The following KIF16B variants were observed in gnomAD, a reference collection of about 807,000 sequenced individuals.
The protein encoded by KIF16B is kinesin-like protein KIF16B.
Under a neutral mutation model 156.3 loss-of-function variants are expected in KIF16B, and 98 were observed. The observed-to-expected ratio is 0.63, with a 90% CI of 0.53 to 0.74. The LOEUF (loss-of-function observed/expected upper bound fraction) is 0.74, where lower values mean the gene tolerates loss of function less well. KIF16B is among the 30% of genes least tolerant of loss of function. The pLI, the probability that KIF16B is intolerant of heterozygous loss-of-function variation, is 0.00. For synonymous variants in KIF16B, 564 were observed against 583.7 expected (o/e 0.97, Z 0.49); for missense variants, 1,421 against 1,606.5 (o/e 0.88, Z 1.97).
chr20:16,551,896 C>T (rs6111174), intron 1 of KIF16B, among the ~76,000 whole-genome samples: 53,352 of 151,948 alleles, frequency 0.35, 9,382 homozygotes, highest in African/African-American at 0.36. Context: ...CCTGGTGGGA[C>T]AGTTACACCT....
chr20:16,273,520 A>T (rs912251697), intron 25 of KIF16B, 109 bp from the exon 26 acceptor site: 2 of 803,006 alleles, frequency 2.5e-6, no homozygotes. Flanking sequence ...GAGAAACCTC[A>T]TCTCTACAAA....
chr20:16,310,821 A>T (rs1260511827), intron 25 of KIF16B, among the ~76,000 whole-genome samples: 1 of 152,142 alleles, frequency 6.6e-6, no homozygotes, highest in East Asian at 1.9e-4. Context: ...CAGATGTGTA[A>T]CTCTGTAGTC....
At chr20:16,365,012 T>C (rs1396903560) in intron 22 of KIF16B, among the ~76,000 whole-genome samples, 1 of 152,226 alleles carries the variant, frequency 6.6e-6, no homozygotes, top group African/African-American at 2.4e-5. Flanking sequence ...TATGTACAGT[T>C]TATTTATCAC....
At chr20:16,332,764 A>C (rs931874256) in intron 24 of KIF16B, among the ~76,000 whole-genome samples, 3 of 152,168 alleles carry the variant, frequency 2.0e-5, no homozygotes, top group Non-Finnish European at 2.9e-5. Context: ...AGAAATAAAA[A>C]AATTTTTCTT....
intron 24 of KIF16B, among the ~76,000 whole-genome samples, chr20:16,323,176 T>C (rs947083339): frequency 2.0e-5 from 3 of 152,020 alleles, no homozygotes; most frequent in Non-Finnish European, 4.4e-5. Flanking sequence ...TCATTTTCTT[T>C]ACTCCTGTGA....
At chr20:16,336,153 C>T (rs1413472893) in intron 23 of KIF16B, 138 bp from the exon 24 acceptor site, 1 of 604,650 alleles carries the variant, frequency 1.7e-6, no homozygotes, top group Non-Finnish European at 2.9e-6. Context: ...ATTAATCTAG[C>T]TGCATAAATA....
intron 25 of KIF16B, among the ~76,000 whole-genome samples, chr20:16,288,281 T>C (rs567449871): frequency 2.4e-4 from 36 of 152,346 alleles, no homozygotes; most frequent in African/African-American, 7.2e-4. Context: ...CCTCCTTGTC[T>C]GATTATAGTA....
At chr20:16,549,520 T>C (rs932336984) in intron 1 of KIF16B, among the ~76,000 whole-genome samples, 7 of 152,134 alleles carry the variant, frequency 4.6e-5, no homozygotes, top group Admixed American at 2.6e-4. Context: ...TGTGTCTTTA[T>C]AGCAGCATGA....
chr20:16,428,795 A>G (rs2066424806), intron 14 of KIF16B, among the ~76,000 whole-genome samples, 158 bp downstream of exon 14: 1 of 152,164 alleles, frequency 6.6e-6, no homozygotes, highest in African/African-American at 2.4e-5. Flanking sequence ...ACAAAAATAT[A>G]TATACACACA....
intron 12 of KIF16B, among the ~76,000 whole-genome samples, chr20:16,481,212 T>C (rs1252973040): frequency 6.6e-6 from 1 of 152,156 alleles, no homozygotes; most frequent in Non-Finnish European, 1.5e-5. Flanking sequence ...TGGAAGTGGT[T>C]TCAAGACAGG....
chr20:16,441,856 A>G (rs1303075759), intron 12 of KIF16B, among the ~76,000 whole-genome samples: 1 of 152,306 alleles, frequency 6.6e-6, no homozygotes, highest in East Asian at 1.9e-4. Flanking sequence ...CATTAGGGAT[A>G]TATCAGTGAG....
intron 25 of KIF16B, among the ~76,000 whole-genome samples, chr20:16,294,257 G>A (rs1193055382): frequency 6.6e-6 from 1 of 152,166 alleles, no homozygotes; most frequent in Admixed American, 6.5e-5. Flanking sequence ...AGTCAGAGAA[G>A]ATACATGCCC....
chr20:16,321,698 A>G (rs2063775336), intron 24 of KIF16B, among the ~76,000 whole-genome samples: 1 of 152,050 alleles, frequency 6.6e-6, no homozygotes, highest in Non-Finnish European at 1.5e-5. Flanking sequence ...TAAGGCTCAG[A>G]TGTGCAGAAG....
chr20:16,316,792 C>T (rs1026741803), intron 24 of KIF16B, among the ~76,000 whole-genome samples: 2 of 152,124 alleles, frequency 1.3e-5, no homozygotes, highest in African/African-American at 4.8e-5. Flanking sequence ...GGTTTCATTT[C>T]TGAAGTGTAA....
intron 25 of KIF16B, among the ~76,000 whole-genome samples, chr20:16,289,596 G>A (rs1387395617): frequency 6.6e-6 from 1 of 152,202 alleles, no homozygotes; most frequent in Non-Finnish European, 1.5e-5. Context: ...GCTCACGCCT[G>A]TAATCCCAGC....
At chr20:16,293,921 T>TGG (rs1458386928) in intron 25 of KIF16B, among the ~76,000 whole-genome samples, 3 of 150,492 alleles carry the variant, frequency 2.0e-5, no homozygotes, top group Non-Finnish European at 4.4e-5. Context: ...GGAGAGGGGC[T>TGG]GCGGGGGGTG....
At chr20:16,478,664 G>T (rs6044001) in intron 12 of KIF16B, among the ~76,000 whole-genome samples, 2 of 151,896 alleles carry the variant, frequency 1.3e-5, no homozygotes, top group Admixed American at 1.3e-4. Flanking sequence ...ATCAACAGGT[G>T]TACCATTTGT....
chr20:16,370,682 C>T lies in KIF16B; in HGVS notation c.3448-46G>A, dbSNP rs537219838. On this transcript the variant is annotated intron_variant, in intron 21 of 25. Coordinates refer to ENST00000354981, the MANE Select transcript of KIF16B (RefSeq NM_024704.5). ...CCTCTATATTAAATTATAGCAAGTT[C>T]ACGGGGCGGGGGACTGATTCGATTA... 2.6e-5 allele frequency: 38 copies of T among 1,451,186 alleles called. No individual in the cohort carries two copies. In the South Asian group the frequency reaches 4.0e-4, roughly 15 times the overall value. The allele number at this position is 1,451,186 out of a possible 1,614,324, so 89.9% of individuals were successfully genotyped here.
rs1484710067 is a variant in KIF16B, at chr20:16,573,209, G to T, written c.47+20C>A. 37 of 1,571,640 alleles carry T rather than the reference G, an allele frequency of 2.4e-5. No homozygotes were observed. Among genetic ancestry groups the T allele is most frequent in the Non-Finnish European group, 3.2e-5 (37 of 1,158,214 alleles). On this transcript the variant is annotated intron_variant, in intron 1 of 25. Transcript: ENST00000354981. ...GGTGGGGGCGCGACGAGGGGGCGGG[G>T]CGCGGGCGGCCCCACTCACCTGCGA...
Sources: gnomAD v4.1 joint callset for allele counts (sites outside exome capture counted in the v4.1 genomes callset) on GRCh38, gnomAD v4.1.1 for gene constraint, MANE v1.5 for transcripts, NCBI Gene and HGNC (gene_info 2026-07-23, HGNC 2026-07-21) for gene names.